The following D2HGDH variants were observed in gnomAD, a reference collection of about 807,000 sequenced individuals.
D2HGDH encodes the protein D-2-hydroxyglutarate dehydrogenase.
A neutral mutation model predicts 46.9 loss-of-function variants in D2HGDH; 31 were observed. The observed-to-expected ratio is 0.66, with a 90% CI of 0.50 to 0.89. D2HGDH has a LOEUF of 0.89. Ranked by LOEUF, D2HGDH falls within the 40% of genes least tolerant of loss-of-function variation. D2HGDH has a pLI of 0.00. For synonymous variants in D2HGDH, 364 were observed against 332.6 expected, an observed-to-expected ratio of 1.09 and a Z score of -1.03; for missense variants, 698 against 720.8, an observed-to-expected ratio of 0.97 and a Z score of 0.36.
chr2:241,750,352 CA>C, intron 7 of D2HGDH, 58 bp downstream of exon 7: 1 of 1,385,410 alleles, frequency 7.2e-7, no homozygotes, highest in Middle Eastern at 2.8e-4. Context: ...CACGTCTGGA[CA>C]CATGGGACGG....
intron 8 of D2HGDH, among the ~76,000 whole-genome samples, chr2:241,753,417 A>G (rs1335728380): frequency 2.2e-5 from 3 of 135,318 alleles, no homozygotes; most frequent in Admixed American, 7.3e-5. Context: ...GCTGTTGTCC[A>G]GCATTGGCGA....
intron 6 of D2HGDH, among the ~76,000 whole-genome samples, chr2:241,745,958 C>T (rs1270419659): frequency 2.6e-5 from 4 of 152,176 alleles, no homozygotes; most frequent in Non-Finnish European, 4.4e-5. Context: ...CTGCCTCTCT[C>T]CTGGCCCCCC....
intron 1 of D2HGDH, 49 bp from the exon 2 acceptor site, chr2:241,735,084 A>C: frequency 1.1e-6 from 1 of 940,004 alleles, no homozygotes; most frequent in Non-Finnish European, 1.5e-6. Flanking sequence ...AGCGTGTTTC[A>C]ATTTGTACAA....
Position 241,742,861 on chromosome 2 carries a change from G to T in D2HGDH, c.490+287G>T, listed in dbSNP as rs1003881587. On this transcript the variant is annotated intron_variant, in intron 4 of 9. Transcript: ENST00000321264. The surrounding 1 kb of genome is among the most constrained non-coding windows in gnomAD (Gnocchi z 4.8). ...GTGTGAGGGGATCCTGACCCAGGGT[G>T]CCAGGGCGTGGCAGGCATGAGGGGA... 6.6e-6 allele frequency among the ~76,000 whole-genome samples: 1 copy of T among 151,110 alleles called. No individual in the cohort carries two copies. The highest frequency in any genetic ancestry group is 1.5e-5 in the Non-Finnish European group (1 of 67,768).
intron 7 of D2HGDH, 114 bp from the exon 8 acceptor site, chr2:241,751,132 T>C (rs1006886119): frequency 6.8e-7 from 1 of 1,464,562 alleles, no homozygotes; most frequent in Middle Eastern, 1.7e-4. Context: ...CCTGGGTCCT[T>C]CTTGGCCACG....
chr2:241,735,701 A>G (rs1692585300), intron 2 of D2HGDH, among the ~76,000 whole-genome samples, 185 bp downstream of exon 2: 1 of 152,106 alleles, frequency 6.6e-6, no homozygotes. Context: ...GCTTAGAACA[A>G]CCCAAGTTTT....
At chr2:241,740,554 C>G (rs1694161733) in intron 2 of D2HGDH, among the ~76,000 whole-genome samples, 1 of 152,234 alleles carries the variant, frequency 6.6e-6, no homozygotes, top group South Asian at 2.1e-4. Context: ...GCTTCTTGCT[C>G]TGTCACCCAG....
In D2HGDH at chr2:241,737,272, A is replaced by G. The variant is rs576600422; in HGVS notation, c.292+1756A>G. Among the ~76,000 whole-genome samples, 412 of 152,164 alleles carry G rather than the reference A, an allele frequency of 2.7e-3. 2 individuals carry two copies. Among genetic ancestry groups the G allele is most frequent in the African/African-American group, 9.6e-3 (397 of 41,526 alleles). ...GGCATGAGCCACCATGCCCAGCCCC[A>G]TTTTTTCAAATAAGGTCCCATTCAC... is the stretch of plus-strand genomic sequence containing the variant. On this transcript the variant is annotated intron_variant, in intron 2 of 9. Transcript: ENST00000321264.
intron 6 of D2HGDH, chr2:241,748,682 C>T (rs548716703): frequency 1.5e-5 from 6 of 410,854 alleles, no homozygotes; most frequent in South Asian, 6.8e-5. Flanking sequence ...GCCCCCACAC[C>T]GCCTCCTCCC....
rs371894753 is a variant in D2HGDH, at chr2:241,743,966, C to T, written c.684+151C>T. On this transcript the variant is annotated intron_variant, in intron 5 of 9. Coordinates refer to ENST00000321264, the MANE Select transcript of D2HGDH (RefSeq NM_152783.5). The surrounding 1 kb of genome is among the most constrained non-coding windows in gnomAD (Gnocchi z 4.8). Reference sequence around the variant, plus strand: ...GGGCCCCTCAAGGATGTGTGGGCTACATACACCCCCATCCTGAGGGAGGCC... The same window carrying T: ...GGGCCCCTCAAGGATGTGTGGGCTATATACACCCCCATCCTGAGGGAGGCC... The T allele has an allele frequency of 1.2e-6, 1 of 818,122 alleles. No homozygotes were observed. The highest frequency in any genetic ancestry group is 1.9e-6 in the Non-Finnish European group (1 of 524,562). 50.7% of individuals were successfully genotyped at this position (818,122 alleles called of 1,614,324 possible). A position where few individuals can be genotyped will look rare whatever the true frequency, so the allele number is the denominator to read the frequency against.
chr2:241,760,076 C>T (rs62192032), intron 9 of D2HGDH, among the ~76,000 whole-genome samples: 1 of 112,628 alleles, frequency 8.9e-6, no homozygotes, highest in Admixed American at 8.7e-5. Flanking sequence ...CAGTCGAAGG[C>T]CTTCGCCACA....
At chr2:241,750,052 C>T (rs1696865319) in intron 6 of D2HGDH, 99 bp from the exon 7 acceptor site, 1 of 1,585,090 alleles carries the variant, frequency 6.3e-7, no homozygotes, top group Non-Finnish European at 8.6e-7. Context: ...CCAGCTCACC[C>T]ACCCACATGA....
intron 9 of D2HGDH, among the ~76,000 whole-genome samples, chr2:241,756,672 C>G (rs950749865): frequency 6.6e-6 from 1 of 152,182 alleles, no homozygotes; most frequent in African/African-American, 2.4e-5. Flanking sequence ...CAGGCGTCCA[C>G]CACCAGGCCT....
At chr2:241,735,798 C>T (rs1559337942) in intron 2 of D2HGDH, 1 of 484,248 alleles carries the variant, frequency 2.1e-6, no homozygotes, top group Non-Finnish European at 3.7e-6. Context: ...GAGTTTCACT[C>T]TGTCGCCAGG....
intron 9 of D2HGDH, among the ~76,000 whole-genome samples, chr2:241,762,531 C>A (rs1186128668): frequency 1.3e-5 from 2 of 152,306 alleles, no homozygotes; most frequent in Non-Finnish European, 2.9e-5. Context: ...TGGGGTCTTG[C>A]TGGCTTTAGA....
intron 9 of D2HGDH, among the ~76,000 whole-genome samples, 165 bp downstream of exon 9, chr2:241,756,179 A>G (rs371240481): frequency 1.1e-3 from 170 of 152,358 alleles, no homozygotes; most frequent in African/African-American, 3.9e-3. Flanking sequence ...GGGAAGGGAA[A>G]ATCCTAATCG....
At position 241,743,184 on chromosome 2, in the gene D2HGDH, G is replaced by A. The variant is rs1694978136; in HGVS notation, c.491-438G>A. Among the ~76,000 whole-genome samples, 1 of 152,174 alleles carries A rather than the reference G, an allele frequency of 6.6e-6. No homozygotes were observed. Among genetic ancestry groups the A allele is most frequent in the South Asian group, 2.1e-4 (1 of 4,836 alleles). The stretch of plus-strand genomic sequence containing the variant: ...AGCTGGGCCTCTCCCCGCAAGGCCG[G>A]GCTCCAGGCCCCGGTCACTCTGTGG... On this transcript the variant is annotated intron_variant, in intron 4 of 9. Coordinates refer to ENST00000321264, the MANE Select transcript of D2HGDH (RefSeq NM_152783.5). This position sits in a 1 kb window ranked among gnomAD's most constrained non-coding sequence, Gnocchi z 4.8.
At chr2:241,756,339 G>A (rs1207669265) in intron 9 of D2HGDH, among the ~76,000 whole-genome samples, 1 of 152,258 alleles carries the variant, frequency 6.6e-6, no homozygotes, top group African/African-American at 2.4e-5. Context: ...AGTCCGGGAT[G>A]CGGGTCTCAG....
At position 241,751,292 on chromosome 2, in the gene D2HGDH, C is replaced by T; in HGVS notation, c.1044C>T (p.Gly348=). The change falls in exon 8 of 10, where the codon GGC becomes GGT. Residue 348 remains glycine (G), a synonymous_variant. Transcript: ENST00000321264. ...VLIETSGSNA[G]HDAEKLGHFL... is the part of the protein sequence containing the mutation. Reference sequence around the variant, plus strand: ...TCGAGACTTCAGGCTCCAACGCAGGCCATGACGCTGAGAAGCTGGGCCACT... The same window carrying T: ...TCGAGACTTCAGGCTCCAACGCAGGTCATGACGCTGAGAAGCTGGGCCACT... 1 of 1,614,030 alleles carries T rather than the reference C, an allele frequency of 6.2e-7. No individual in the cohort carries two copies. The highest frequency in any genetic ancestry group is 8.5e-7 in the Non-Finnish European group (1 of 1,180,040).
Sources: allele counts gnomAD v4.1 joint callset (sites outside exome capture counted in the v4.1 genomes callset), GRCh38; gene constraint gnomAD v4.1.1; non-coding constraint Gnocchi (gnomAD v3.1); transcripts MANE v1.5; gene names NCBI Gene and HGNC (gene_info 2026-07-23, HGNC 2026-07-21).